Variants in INPP5J observed in about 807,000 individuals in gnomAD.
INPP5J encodes inositol polyphosphate-5-phosphatase J.
In INPP5J, 75 loss-of-function variants were observed where a neutral mutation model predicts 86.6. The observed-to-expected ratio is 0.87, with a 90% CI of 0.72 to 1.05. INPP5J has a LOEUF of 1.05. INPP5J is among the 50% of genes least tolerant of loss of function. The pLI, the probability that INPP5J is intolerant of heterozygous loss-of-function variation, is 0.00. For missense variants in INPP5J, 1,229 were observed against 1,341.2 expected, an observed-to-expected ratio of 0.92 and a Z score of 1.31; for synonymous variants, 540 against 550.0, an observed-to-expected ratio of 0.98 and a Z score of 0.25.
rs1189087145 is a variant in INPP5J at position 31,134,226 on chromosome 22, G to A, written c.2828G>A (p.Gly943Glu). 1 of 1,550,140 alleles carries A rather than the reference G, an allele frequency of 6.5e-7. No homozygotes were observed. The highest frequency in any genetic ancestry group is 8.7e-7 in the Non-Finnish European group (1 of 1,146,790). Residue 943 changes from glycine (G) to glutamate (E), a missense_variant, in exon 13 of 13, where the codon GGG (glycine) becomes GAG (glutamate). Gly to Glu is a moderately conservative substitution (Grantham distance 98). Transcript: ENST00000331075. ...GGCAGTAGTGAAGAGGGGCCCTCTG[G>A]GTTGCCTGGCCCCTGGGCCTTCCCA... The part of the protein sequence containing the change: ...SRGSSEEGPS[G>E]LPGPWAFPPA...
rs1569286448 is a variant in INPP5J at position 31,127,038 on chromosome 22, GT to G, written c.1611+2del. The G allele has an allele frequency of 6.3e-7, 1 of 1,576,698 alleles. No individual in the cohort carries two copies. The highest frequency in any genetic ancestry group is 1.1e-5 in the South Asian group (1 of 87,332). On this transcript the variant is annotated splice_donor_variant, in intron 5 of 12. Transcript: ENST00000331075. LOFTEE classifies it high-confidence loss of function. ...GCGCACTGGCCTGGGCGGCTACTGG[GT>G]GAGCCTGTGAGCAGGCCCAGAAGAG... is the stretch of plus-strand genomic sequence containing the variant.
chr22:31,123,168 C>T (rs1201576268), intron 1 of INPP5J, 49 bp downstream of exon 1: 1 of 1,155,788 alleles, frequency 8.7e-7, no homozygotes, highest in Admixed American at 3.8e-5. Flanking sequence ...TCCCTGGTTC[C>T]ACACACCCCC....
rs757505804 is a variant in INPP5J at position 31,125,827 on chromosome 22, C to A, written c.1088C>A (p.Pro363His). ...SHSPNRSPCV[P>H]PAPDMALPRL... is the part of the protein sequence containing the mutation. ...TCCCCGAATCGCTCTCCCTGTGTTC[C>A]CCCAGCCCCTGACATGGCCCTCCCA... is the stretch of plus-strand genomic sequence containing the variant. The change falls in exon 2 of 13, where the codon CCC becomes CAC. Residue 363 changes from proline (P) to histidine (H), a missense_variant. By Grantham distance (77) the Pro-to-His change is moderately conservative. Coordinates refer to ENST00000331075, the MANE Select transcript of INPP5J (RefSeq NM_001284285.2). The A allele has an allele frequency of 3.1e-5, 49 of 1,604,370 alleles. No individual in the cohort carries two copies. The East Asian group carries it at 8.8e-4, about 29-fold the overall frequency.
intron 1 of INPP5J, among the ~76,000 whole-genome samples, 179 bp from the exon 2 acceptor site, chr22:31,124,666 A>G (rs760170539): frequency 9.2e-5 from 14 of 152,328 alleles, no homozygotes; most frequent in East Asian, 3.9e-4. Flanking sequence ...TTTGTGTCCT[A>G]TCTCCTCCAA....
intron 9 of INPP5J, 124 bp downstream of exon 9, chr22:31,128,778 A>G: frequency 1.2e-6 from 1 of 865,608 alleles, no homozygotes; most frequent in Non-Finnish European, 1.7e-6. Flanking sequence ...ATTTGTTGTA[A>G]CAGTGGAAAT....
At chr22:31,127,318 T>C in intron 5 of INPP5J, 39 bp from the exon 6 acceptor site, 2 of 1,559,950 alleles carry the variant, frequency 1.3e-6, no homozygotes, top group Non-Finnish European at 1.7e-6. Context: ...CCTCCTGGCC[T>C]AAGCCCCGCC....
At chr22:31,124,753 T>G in intron 1 of INPP5J, 92 bp from the exon 2 acceptor site, 1 of 1,083,574 alleles carries the variant, frequency 9.2e-7, no homozygotes, top group Non-Finnish European at 1.3e-6. Flanking sequence ...GTGCCTTTCT[T>G]AGCTAGATGA....
chr22:31,124,802 C>A, intron 1 of INPP5J, 43 bp from the exon 2 acceptor site: 1 of 1,554,494 alleles, frequency 6.4e-7, no homozygotes. Context: ...GGCCCAATGC[C>A]CTGGTTAGGG....
At chr22:31,123,355 G>A (rs1251732039) in intron 1 of INPP5J, among the ~76,000 whole-genome samples, 1 of 152,166 alleles carries the variant, frequency 6.6e-6, no homozygotes, top group Non-Finnish European at 1.5e-5. Context: ...CCTGGACTGG[G>A]TATCAGAGGA....
In INPP5J at chr22:31,126,729, A is replaced by G; in HGVS notation, c.1494+8A>G. The G allele has an allele frequency of 1.2e-6, 2 of 1,603,910 alleles. No homozygotes were observed. The highest frequency in any genetic ancestry group is 4.5e-5 in the East Asian group (2 of 44,814). On this transcript the variant is annotated splice_region_variant and intron_variant, in intron 4 of 12. Transcript: ENST00000331075. ...CCCTTCAACTTCGTGCTGGTAACGCACCCCTCACCCCCTGGACAGCCAGAG... is the reference window on the plus strand; with the variant it reads ...CCCTTCAACTTCGTGCTGGTAACGCGCCCCTCACCCCCTGGACAGCCAGAG...
rs1048829991 is a variant in INPP5J at position 31,133,148 on chromosome 22, G to C, written c.2244G>C (p.Glu748Asp). ...MPLVRLEVAD[E>D]WVRPEQAVVR... Reference sequence around the variant, plus strand: ...TGGTGCGGCTGGAGGTGGCAGATGAGTGGGTGCGGCCCGAGCAGGCGGTGG... The same window carrying C: ...TGGTGCGGCTGGAGGTGGCAGATGACTGGGTGCGGCCCGAGCAGGCGGTGG... The change falls in exon 10 of 13, where the codon GAG becomes GAC. Residue 748 changes from glutamate (E) to aspartate (D), a missense_variant. Transcript: ENST00000331075. 1.3e-6 allele frequency: 2 copies of C among 1,576,328 alleles called. No individual in the cohort carries two copies. Among genetic ancestry groups the C allele is most frequent in the Non-Finnish European group, 1.7e-6 (2 of 1,161,780 alleles).
At chr22:31,124,297 T>C in intron 1 of INPP5J, 1 of 987,436 alleles carries the variant, frequency 1.0e-6, no homozygotes, top group Non-Finnish European at 1.2e-6. Flanking sequence ...ACCAAGGGAT[T>C]TGGATGTTTA....
chr22:31,126,547 C>T, intron 3 of INPP5J, 58 bp downstream of exon 3: 1 of 1,597,840 alleles, frequency 6.3e-7, no homozygotes, highest in South Asian at 1.1e-5. Flanking sequence ...CCGGGCCCTC[C>T]ACCCATGGCA....
Position 31,128,320 on chromosome 22 carries a change from C to T in INPP5J, c.2006C>T (p.Thr669Ile), listed in dbSNP as rs1317337404. The change falls in exon 8 of 13, where the codon ACC (threonine) becomes ATC (isoleucine). Residue 669 changes from threonine (T) to isoleucine (I), a missense_variant. Physicochemically the swap from Thr to Ile is moderately conservative, Grantham distance 89. Coordinates refer to ENST00000331075, the MANE Select transcript of INPP5J (RefSeq NM_001284285.2). ...KFDVGTNKYD[T>I]SAKKRKPAWT... ...GATGTGGGTACCAACAAATACGATA[C>T]CAGGTGAGCTCAGTCCGAGGAGGGA... The T allele has an allele frequency of 9.4e-6, 15 of 1,590,728 alleles. No homozygotes were observed. The highest frequency in any genetic ancestry group is 1.3e-5 in the Non-Finnish European group (15 of 1,167,894).
Position 31,125,322 on chromosome 22 carries a change from C to A in INPP5J, c.583C>A (p.Pro195Thr), listed in dbSNP as rs1008337002. Reference sequence around the variant, plus strand: ...CCTGGCCCTGGCTTCTGAGGAGCAGCCCCCAGAACTCCCCTCCACCCCTTC... The same window carrying A: ...CCTGGCCCTGGCTTCTGAGGAGCAGACCCCAGAACTCCCCTCCACCCCTTC... ...LSLALASEEQ[P>T]PELPSTPSPV... is the part of the protein sequence containing the mutation. The change falls in exon 2 of 13, where the codon CCC becomes ACC. Residue 195 changes from proline to threonine, a missense_variant. Pro to Thr is a conservative substitution (Grantham distance 38, BLOSUM62 -1). Coordinates refer to ENST00000331075, the MANE Select transcript of INPP5J (RefSeq NM_001284285.2). The A allele has an allele frequency of 1.9e-6, 3 of 1,550,312 alleles. No homozygotes were observed. Among genetic ancestry groups the A allele is most frequent in the Non-Finnish European group, 1.7e-6 (2 of 1,146,940 alleles).
At chr22:31,123,502 C>T (rs1602723565) in intron 1 of INPP5J, among the ~76,000 whole-genome samples, 1 of 151,922 alleles carries the variant, frequency 6.6e-6, no homozygotes, top group African/African-American at 2.4e-5. Flanking sequence ...GTACTGGAGG[C>T]GGTGTGATAG....
rs1182860383 is a variant in INPP5J, at chr22:31,125,348, C to T, written c.609C>T (p.Ser203=). 2.6e-6 allele frequency: 4 copies of T among 1,550,478 alleles called. No individual in the cohort carries two copies. The highest frequency in any genetic ancestry group is 4.9e-5 in the East Asian group (2 of 40,918). ...CCCCAGAACTCCCCTCCACCCCTTC[C>T]CCGGTGCCCAGTCCAGTTCTGTCTC... ...EQPPELPSTP[S]PVPSPVLSPT... is the part of the protein sequence containing the mutation. The change falls in exon 2 of 13, where the codon TCC becomes TCT. Residue 203 remains serine, a synonymous_variant. Transcript: ENST00000331075.
chr22:31,127,067 T>C (rs745755689), intron 5 of INPP5J, 30 bp downstream of exon 5: 5 of 1,458,750 alleles, frequency 3.4e-6, no homozygotes, highest in Middle Eastern at 1.7e-4. Flanking sequence ...CAGAAGAGGA[T>C]GGGACATGAA....
At chr22:31,131,986 G>T (rs1055418600) in intron 9 of INPP5J, among the ~76,000 whole-genome samples, 2 of 152,218 alleles carry the variant, frequency 1.3e-5, no homozygotes, top group Non-Finnish European at 2.9e-5. Context: ...CAGAGGTGGG[G>T]TCAATATCCT....
Sources: allele counts gnomAD v4.1 joint callset (sites outside exome capture counted in the v4.1 genomes callset), GRCh38; gene constraint gnomAD v4.1.1; transcripts MANE v1.5; gene names NCBI Gene and HGNC (gene_info 2026-07-23, HGNC 2026-07-21).